Variants in SOX5 observed in about 807,000 individuals in gnomAD.
The protein encoded by SOX5 is transcription factor SOX-5.
SOX5 carries 9 observed loss-of-function variants against 92.0 expected under a neutral mutation model. That is an observed-to-expected ratio of 0.10 (90% CI 0.06 to 0.17). The LOEUF (loss-of-function observed/expected upper bound fraction) is 0.17. SOX5 is among the 10% of genes least tolerant of loss of function. The probability of loss-of-function intolerance (pLI) is 1.00; values close to 1 mark genes in which losing one functional copy is unlikely to be tolerated. For missense variants in SOX5, 642 were observed against 944.5 expected, an observed-to-expected ratio of 0.68 and a Z score of 4.20; for synonymous variants, 344 against 336.3, an observed-to-expected ratio of 1.02 and a Z score of -0.25.
chr12:23,589,132 A>G (rs967830000), intron 9 of SOX5, among the ~76,000 whole-genome samples: 9 of 151,956 alleles, frequency 5.9e-5, no homozygotes, highest in Non-Finnish European at 1.0e-4. Flanking sequence ...CATACATATA[A>G]CATAAACGAC....
intron 4 of SOX5, among the ~76,000 whole-genome samples, chr12:24,056,048 T>C (rs957417433): frequency 6.6e-5 from 10 of 152,216 alleles, no homozygotes; most frequent in African/African-American, 2.4e-4. Context: ...ACACCTTTTT[T>C]AAACATCGTT....
At chr12:23,658,146 ATAAAG>A (rs1413633985) in intron 7 of SOX5, among the ~76,000 whole-genome samples, 4 of 152,196 alleles carry the variant, frequency 2.6e-5, no homozygotes, top group Non-Finnish European at 5.9e-5. Context: ...TTAATAAATA[ATAAAG>A]TACAGTATAA....
chr12:23,712,245 C>G (rs550701364), intron 6 of SOX5, among the ~76,000 whole-genome samples: 38 of 152,270 alleles, frequency 2.5e-4, no homozygotes, highest in African/African-American at 9.1e-4. Context: ...AGACCCTACC[C>G]AAGAGGGATA....
chr12:23,760,621 C>G (rs200580069), intron 3 of SOX5, among the ~76,000 whole-genome samples: 2 of 148,586 alleles, frequency 1.3e-5, no homozygotes, highest in African/African-American at 2.5e-5. Context: ...TGGCCCCCCC[C>G]AACTGTGCCA....
intron 1 of SOX5, among the ~76,000 whole-genome samples, chr12:23,899,385 A>G (rs1488216756): frequency 6.6e-6 from 1 of 151,414 alleles, no homozygotes; most frequent in Non-Finnish European, 1.5e-5. Context: ...GGGCAACAAA[A>G]GCAAAACTCC....
intron 3 of SOX5, among the ~76,000 whole-genome samples, chr12:23,788,383 C>A (rs1049909351): frequency 2.0e-5 from 3 of 151,894 alleles, no homozygotes; most frequent in Admixed American, 2.0e-4. Context: ...TCTTAACACA[C>A]AAACCTGAGT....
intron 4 of SOX5, among the ~76,000 whole-genome samples, chr12:24,122,123 A>T (rs1948691435): frequency 6.6e-6 from 1 of 152,144 alleles, no homozygotes; most frequent in Non-Finnish European, 1.5e-5. Flanking sequence ...CGGGAGCAAA[A>T]ATTCTTGCAC....
intron 7 of SOX5, among the ~76,000 whole-genome samples, chr12:23,648,173 T>C (rs955288518): frequency 3.9e-5 from 6 of 152,168 alleles, no homozygotes; most frequent in East Asian, 1.9e-4. Flanking sequence ...GTTTGAAATA[T>C]TGAAAAAATT....
At chr12:23,911,837 A>T (rs1007658198) in intron 1 of SOX5, among the ~76,000 whole-genome samples, 5 of 152,180 alleles carry the variant, frequency 3.3e-5, no homozygotes, top group African/African-American at 1.2e-4. Context: ...AGCTAAAACC[A>T]TAAACCACTT....
intron 4 of SOX5, among the ~76,000 whole-genome samples, chr12:24,031,091 G>A (rs1955453113): frequency 6.6e-6 from 1 of 151,854 alleles, no homozygotes; most frequent in Admixed American, 6.6e-5. Context: ...CATACTGTTG[G>A]TGGGAATGTA....
At chr12:23,875,767 C>T (rs775325617) in intron 2 of SOX5, among the ~76,000 whole-genome samples, 16 of 152,168 alleles carry the variant, frequency 1.1e-4, no homozygotes, top group Non-Finnish European at 2.2e-4. Flanking sequence ...ACTGTTTAAG[C>T]AGTGGATGCT....
intron 2 of SOX5, among the ~76,000 whole-genome samples, chr12:24,310,484 TC>T (rs953983219): frequency 7.9e-5 from 12 of 152,228 alleles, no homozygotes; most frequent in African/African-American, 2.6e-4. Flanking sequence ...TTAAATCAAC[TC>T]CCCAAACTCA....
intron 1 of SOX5, among the ~76,000 whole-genome samples, chr12:24,555,221 T>C (rs1953650384): frequency 6.6e-6 from 1 of 152,146 alleles, no homozygotes; most frequent in Non-Finnish European, 1.5e-5. Flanking sequence ...AATGCAGACT[T>C]CCAGTGCGTT....
intron 4 of SOX5, among the ~76,000 whole-genome samples, chr12:24,163,788 T>G (rs1953058727): frequency 1.3e-5 from 2 of 152,160 alleles, no homozygotes; most frequent in East Asian, 3.9e-4. Context: ...CTTTAAAAAG[T>G]ATATGTATGG....
At chr12:24,252,210 T>C (rs997948554) in intron 3 of SOX5, among the ~76,000 whole-genome samples, 6 of 152,282 alleles carry the variant, frequency 3.9e-5, no homozygotes, top group Admixed American at 6.5e-5. Context: ...TTTACATAGA[T>C]CCCAACTGTA....
chr12:24,466,601 G>A (rs919893369), intron 1 of SOX5, among the ~76,000 whole-genome samples: 3 of 152,154 alleles, frequency 2.0e-5, no homozygotes, highest in African/African-American at 4.8e-5. Context: ...AGAAGTAGAC[G>A]CTGTGGCCCA....
chr12:24,175,623 A>G (rs1037446727), intron 4 of SOX5, among the ~76,000 whole-genome samples: 4 of 152,166 alleles, frequency 2.6e-5, no homozygotes, highest in Admixed American at 1.3e-4. Context: ...TTTTATTTGT[A>G]TGTGTGTGTA....
intron 3 of SOX5, among the ~76,000 whole-genome samples, chr12:23,830,729 G>A (rs756480666): frequency 2.0e-5 from 3 of 152,106 alleles, no homozygotes; most frequent in African/African-American, 4.8e-5. Flanking sequence ...TAGGAAAGCC[G>A]ATCTCCATAA....
At chr12:23,700,918 T>C (rs1461060612) in intron 6 of SOX5, among the ~76,000 whole-genome samples, 1 of 151,654 alleles carries the variant, frequency 6.6e-6, no homozygotes, top group Non-Finnish European at 1.5e-5. Flanking sequence ...TGTGTATATA[T>C]ATACACATAT....
Sources: allele counts gnomAD v4.1 joint callset (sites outside exome capture counted in the v4.1 genomes callset), GRCh38; gene constraint gnomAD v4.1.1; transcripts MANE v1.5; gene names NCBI Gene and HGNC (gene_info 2026-07-23, HGNC 2026-07-21).